The following POFUT3 variants were observed in gnomAD, a reference collection of about 807,000 sequenced individuals.
POFUT3 encodes GDP-fucose protein O-fucosyltransferase 3.
At chr8:33,355,677 T>C in the POFUT3 span, among the ~76,000 whole-genome samples, 1 of 152,052 alleles carries the variant, frequency 6.6e-6, no homozygotes, top group African/African-American at 2.4e-5. Flanking sequence ...TTTTTGGTTT[T>C]ATTATTATTA....
the POFUT3 span, among the ~76,000 whole-genome samples, chr8:33,373,566 C>T: frequency 1.3e-5 from 2 of 152,130 alleles, no homozygotes; most frequent in African/African-American, 4.8e-5. Flanking sequence ...CCTCTGCAGG[C>T]TACACTCGGC....
chr8:33,403,299 A>AGTGTGTGGACTGT, the POFUT3 span, among the ~76,000 whole-genome samples: 2 of 151,736 alleles, frequency 1.3e-5, no homozygotes, highest in Non-Finnish European at 2.9e-5. Flanking sequence ...TATGAGAGAC[A>AGTGTGTGGACTGT]GTGTGTGGAC....
At chr8:33,428,545 G>C in the POFUT3 span, among the ~76,000 whole-genome samples, 23 of 152,144 alleles carry the variant, frequency 1.5e-4, no homozygotes, top group African/African-American at 5.6e-4. Context: ...TTCAAAAGAA[G>C]AAGAACTTTC....
chr8:33,400,600 A>G, the POFUT3 span, among the ~76,000 whole-genome samples: 1 of 152,168 alleles, frequency 6.6e-6, no homozygotes, highest in African/African-American at 2.4e-5. Flanking sequence ...GCTTTCTTAT[A>G]CCTAGACTTT....
chr8:33,336,424 T>G, the POFUT3 span, among the ~76,000 whole-genome samples: 448 of 152,320 alleles, frequency 2.9e-3, 4 homozygotes, highest in African/African-American at 0.01. Context: ...AACCTTTGTT[T>G]TTAATATTAT....
the POFUT3 span, among the ~76,000 whole-genome samples, chr8:33,408,054 T>C: frequency 6.8e-6 from 1 of 147,842 alleles, no homozygotes; most frequent in African/African-American, 2.5e-5. Context: ...CAGGGAACAA[T>C]GGCTCACACC....
chr8:33,310,279 A>ATT, the POFUT3 span, among the ~76,000 whole-genome samples: 14 of 151,806 alleles, frequency 9.2e-5, no homozygotes, highest in African/African-American at 3.4e-4. Flanking sequence ...AGTTTTTTAC[A>ATT]GTGTGCTTTA....
chr8:33,419,454 GGGTTCAT>G, the POFUT3 span, among the ~76,000 whole-genome samples: 1 of 152,208 alleles, frequency 6.6e-6, no homozygotes, highest in Non-Finnish European at 1.5e-5. Context: ...CATGACAATA[GGGTTCAT>G]GCTCCTATGA....
the POFUT3 span, among the ~76,000 whole-genome samples, chr8:33,382,034 C>T: frequency 2.0e-5 from 3 of 152,116 alleles, no homozygotes; most frequent in African/African-American, 7.2e-5. Flanking sequence ...GGCTAACACA[C>T]GCAATCCTAG....
the POFUT3 span, among the ~76,000 whole-genome samples, chr8:33,339,532 G>A: frequency 1.8e-4 from 28 of 152,092 alleles, no homozygotes; most frequent in African/African-American, 5.6e-4. Flanking sequence ...AATAATGGAT[G>A]AAAACTTTCC....
chr8:33,338,969 G>A, the POFUT3 span: 2 of 152,020 alleles, frequency 1.3e-5, no homozygotes, highest in Admixed American at 6.5e-5. Flanking sequence ...AAAAAGATCA[G>A]GATCTCAAAA....
the POFUT3 span, among the ~76,000 whole-genome samples, chr8:33,383,986 G>C: frequency 2.6e-5 from 4 of 151,872 alleles, no homozygotes; most frequent in Non-Finnish European, 4.4e-5. Flanking sequence ...GATGGTAGGG[G>C]ACTACCAGGA....
At chr8:33,426,989 C>T in the POFUT3 span, among the ~76,000 whole-genome samples, 1 of 152,148 alleles carries the variant, frequency 6.6e-6, no homozygotes, top group Non-Finnish European at 1.5e-5. Context: ...GTACCAGTGA[C>T]AGAGGGTACC....
the POFUT3 span, among the ~76,000 whole-genome samples, chr8:33,416,909 A>G: frequency 1.3e-5 from 2 of 152,110 alleles, no homozygotes; most frequent in Non-Finnish European, 2.9e-5. Flanking sequence ...CTCAAATTCT[A>G]ATCTTCCTTT....
the POFUT3 span, among the ~76,000 whole-genome samples, chr8:33,309,049 T>C: frequency 2.7e-5 from 4 of 146,818 alleles, no homozygotes; most frequent in Admixed American, 6.9e-5. Context: ...TGGCGAAACC[T>C]CCATAGTCTG....
the POFUT3 span, among the ~76,000 whole-genome samples, chr8:33,309,601 G>T: frequency 6.6e-6 from 1 of 152,098 alleles, no homozygotes; most frequent in African/African-American, 2.4e-5. Context: ...CATGCAGTCA[G>T]ATGATTGATG....
the POFUT3 span, among the ~76,000 whole-genome samples, chr8:33,397,431 C>G: frequency 6.6e-6 from 1 of 152,166 alleles, no homozygotes; most frequent in African/African-American, 2.4e-5. Flanking sequence ...TTGCCACTAT[C>G]GCTGTCACCA....
chr8:33,427,236 G>C, the POFUT3 span, among the ~76,000 whole-genome samples: 2 of 152,126 alleles, frequency 1.3e-5, no homozygotes, highest in Non-Finnish European at 2.9e-5. Context: ...GAGATGGGAG[G>C]ATCAAGAACA....
the POFUT3 span, among the ~76,000 whole-genome samples, chr8:33,393,545 C>T: frequency 6.6e-6 from 1 of 152,226 alleles, no homozygotes; most frequent in African/African-American, 2.4e-5. Flanking sequence ...TGTTTATATG[C>T]CCCTCTCCTT....
Sources: gnomAD v4.1 joint callset for allele counts (sites outside exome capture counted in the v4.1 genomes callset) on GRCh38, gnomAD v4.1.1 for gene constraint, MANE v1.5 for transcripts, NCBI Gene and HGNC (gene_info 2026-07-23, HGNC 2026-07-21) for gene names.